Variants in ATP6V0A4 observed in about 807,000 individuals in gnomAD.
ATP6V0A4 encodes the protein ATPase H+ transporting V0 subunit a4.
A neutral mutation model predicts 107.3 loss-of-function variants in ATP6V0A4; 86 were observed. That is an observed-to-expected ratio of 0.80 (90% CI 0.67 to 0.96). The LOEUF is 0.96. Ranked by LOEUF, ATP6V0A4 falls within the 40% of genes least tolerant of loss-of-function variation. The pLI is 0.00. For synonymous variants in ATP6V0A4, 353 were observed against 381.4 expected (o/e 0.93, Z 0.87); for missense variants, 908 against 1,045.6 (o/e 0.87, Z 1.81).
At chr7:138,716,085 T>C (rs1804019554) in intron 19 of ATP6V0A4, 1 of 310,062 alleles carries the variant, frequency 3.2e-6, no homozygotes, top group Non-Finnish European at 4.7e-6. Flanking sequence ...TCCCCAGCAA[T>C]AGCTGAAAAA....
At chr7:138,757,242 G>A (rs1806554910) in intron 8 of ATP6V0A4, among the ~76,000 whole-genome samples, 1 of 152,182 alleles carries the variant, frequency 6.6e-6, no homozygotes, top group Admixed American at 6.6e-5. Flanking sequence ...CAGACCGGGT[G>A]CAGTAGCTCA....
chr7:138,766,250 T>C (rs1469587929), intron 5 of ATP6V0A4, among the ~76,000 whole-genome samples: 1 of 151,264 alleles, frequency 6.6e-6, no homozygotes, highest in Non-Finnish European at 1.5e-5. Flanking sequence ...TCACCCACGC[T>C]GGAGTGCAGT....
intron 2 of ATP6V0A4, among the ~76,000 whole-genome samples, chr7:138,783,937 A>T (rs1808030911): frequency 6.6e-6 from 1 of 152,012 alleles, no homozygotes; most frequent in Non-Finnish European, 1.5e-5. Context: ...ATTTGTCCAA[A>T]ATCAGAGTAA....
At chr7:138,793,666 C>T (rs187593348) in intron 1 of ATP6V0A4, among the ~76,000 whole-genome samples, 2 of 152,194 alleles carry the variant, frequency 1.3e-5, no homozygotes, top group Admixed American at 6.5e-5. Context: ...AAAGTATATT[C>T]GCAGGTCACA....
chr7:138,755,104 T>C (rs1806442183), intron 10 of ATP6V0A4, among the ~76,000 whole-genome samples: 1 of 152,004 alleles, frequency 6.6e-6, no homozygotes, highest in African/African-American at 2.4e-5. Context: ...CTGATGAGAG[T>C]CTGCCAGCGA....
intron 18 of ATP6V0A4, among the ~76,000 whole-genome samples, chr7:138,726,268 C>T (rs540004163): frequency 4.6e-5 from 7 of 152,334 alleles, no homozygotes; most frequent in African/African-American, 1.4e-4. Flanking sequence ...GGATTACAGG[C>T]GTGAGCCACC....
chr7:138,770,283 G>C (rs575275902), intron 3 of ATP6V0A4, among the ~76,000 whole-genome samples: 4 of 151,998 alleles, frequency 2.6e-5, no homozygotes, highest in African/African-American at 9.6e-5. Context: ...AAGGAAGGAA[G>C]GAAGGAAAGG....
chr7:138,785,324 G>A (rs990206877), intron 2 of ATP6V0A4, among the ~76,000 whole-genome samples: 1 of 145,098 alleles, frequency 6.9e-6, no homozygotes, highest in African/African-American at 2.6e-5. Flanking sequence ...CGCCCAGTCT[G>A]GAGTGTAGTG....
chr7:138,744,395 G>A (rs1054557072), intron 14 of ATP6V0A4, among the ~76,000 whole-genome samples: 3 of 151,644 alleles, frequency 2.0e-5, no homozygotes, highest in Non-Finnish European at 2.9e-5. Flanking sequence ...GTGCCACCAT[G>A]CCCAGCTAAT....
At chr7:138,715,278 T>C (rs1423373927) in intron 20 of ATP6V0A4, among the ~76,000 whole-genome samples, 3 of 152,174 alleles carry the variant, frequency 2.0e-5, no homozygotes, top group Non-Finnish European at 2.9e-5. Context: ...CTCGGCTCAC[T>C]GCGACCTCTG....
intron 17 of ATP6V0A4, among the ~76,000 whole-genome samples, chr7:138,731,964 G>T (rs1302094399): frequency 6.6e-6 from 1 of 151,208 alleles, no homozygotes; most frequent in Non-Finnish European, 1.5e-5. Flanking sequence ...TGATAATGAG[G>T]CTAAAAGAAA....
At chr7:138,782,910 A>G (rs1486929281) in intron 2 of ATP6V0A4, among the ~76,000 whole-genome samples, 1 of 152,186 alleles carries the variant, frequency 6.6e-6, no homozygotes, top group Non-Finnish European at 1.5e-5. Flanking sequence ...CCCCTTCTCT[A>G]CTAAAAATAC....
chr7:138,740,751 T>C (rs1286336410), intron 14 of ATP6V0A4, among the ~76,000 whole-genome samples: 2 of 151,938 alleles, frequency 1.3e-5, no homozygotes, highest in Admixed American at 6.6e-5. Flanking sequence ...AGAAATTTCT[T>C]ACTCTGTCTC....
intron 14 of ATP6V0A4, among the ~76,000 whole-genome samples, chr7:138,743,769 A>C (rs966068995): frequency 6.6e-6 from 1 of 152,202 alleles, no homozygotes; most frequent in East Asian, 1.9e-4. Flanking sequence ...GGGCAGAGAC[A>C]GATGTTAGGA....
chr7:138,746,267 C>G (rs891672206), intron 13 of ATP6V0A4, among the ~76,000 whole-genome samples: 15 of 151,462 alleles, frequency 9.9e-5, no homozygotes, highest in Admixed American at 4.6e-4. Flanking sequence ...AAGTTGATTC[C>G]CTGTCTGACT....
At chr7:138,739,407 C>T (rs1584914228) in intron 15 of ATP6V0A4, 133 bp downstream of exon 15, 13 of 1,150,526 alleles carry the variant, frequency 1.1e-5, no homozygotes, top group African/African-American at 6.2e-5. Flanking sequence ...GTCACAAAAA[C>T]GTCAGCAGAA....
At chr7:138,775,732 G>A (rs1807629662) in intron 2 of ATP6V0A4, among the ~76,000 whole-genome samples, 1 of 146,440 alleles carries the variant, frequency 6.8e-6, no homozygotes, top group Admixed American at 7.2e-5. Flanking sequence ...CTCACTGCAA[G>A]CTCTGCCTCC....
At chr7:138,743,808 A>C (rs1297957666) in intron 14 of ATP6V0A4, among the ~76,000 whole-genome samples, 1 of 152,164 alleles carries the variant, frequency 6.6e-6, no homozygotes, top group Non-Finnish European at 1.5e-5. Context: ...TAGGTTTTAC[A>C]AATTAGCCCT....
At chr7:138,720,331 G>A (rs939854740) in intron 19 of ATP6V0A4, among the ~76,000 whole-genome samples, 2 of 152,130 alleles carry the variant, frequency 1.3e-5, no homozygotes, top group African/African-American at 4.8e-5. Flanking sequence ...GATTAGACCT[G>A]GGGGAAAGAG....
Sources: gnomAD v4.1 joint callset for allele counts (sites outside exome capture counted in the v4.1 genomes callset) on GRCh38, gnomAD v4.1.1 for gene constraint, MANE v1.5 for transcripts, NCBI Gene and HGNC (gene_info 2026-07-23, HGNC 2026-07-21) for gene names.